Variants in PKHD1L1 observed in about 807,000 individuals in gnomAD.
PKHD1L1 encodes fibrocystin-L.
Under a neutral mutation model 462.9 loss-of-function variants are expected in PKHD1L1, and 434 were observed. That is an observed-to-expected ratio of 0.94 (90% confidence interval 0.87 to 1.02). The LOEUF (loss-of-function observed/expected upper bound fraction) is 1.02, where lower values mean the gene tolerates loss of function less well. Ranked by LOEUF, PKHD1L1 falls within the 50% of genes least tolerant of loss-of-function variation. The pLI is 0.00. For synonymous variants in PKHD1L1, 1,781 were observed against 1,750.0 expected, an observed-to-expected ratio of 1.02 and a Z score of -0.44; for missense variants, 5,202 against 5,096.1, an observed-to-expected ratio of 1.02 and a Z score of -0.63.
intron 68 of PKHD1L1, among the ~76,000 whole-genome samples, chr8:109,505,104 G>A (rs1819625700): frequency 6.6e-6 from 1 of 151,866 alleles, no homozygotes; most frequent in Admixed American, 6.6e-5. Flanking sequence ...TTCCCAGGCT[G>A]GTCTTGAACT....
In PKHD1L1 at chr8:109,510,784, G is replaced by A. The variant is rs199695841; in HGVS notation, c.11403G>A (p.Gln3801=). The change falls in exon 71 of 78, where the codon CAG becomes CAA. Residue 3801 remains glutamine (Q), a synonymous_variant. Transcript: ENST00000378402. The part of the protein sequence containing the change: ...NGYVDLINGP[Q]DHGWCAGYTC... ...CATTTTGCATGGATTTAGGCCCACAGGATCATGGCTGGTGTGCTGGATATA... is the reference window on the plus strand; with the variant it reads ...CATTTTGCATGGATTTAGGCCCACAAGATCATGGCTGGTGTGCTGGATATA... The A allele has an allele frequency of 2.5e-5, 41 of 1,612,592 alleles. No homozygotes were observed. In the Admixed American group the frequency reaches 6.8e-4, roughly 27 times the overall value.
intron 73 of PKHD1L1, among the ~76,000 whole-genome samples, chr8:109,521,360 G>A (rs1820542930): frequency 6.6e-6 from 1 of 152,124 alleles, no homozygotes; most frequent in African/African-American, 2.4e-5. Flanking sequence ...CATTATCCTG[G>A]TTTACAGTTG....
rs13258312 is a variant in PKHD1L1 at position 109,523,346 on chromosome 8, C to T, written c.12444C>T (p.Ser4148=). The T allele has an allele frequency of 1.2e-6, 2 of 1,613,244 alleles. No homozygotes were observed. Among genetic ancestry groups the T allele is most frequent in the Non-Finnish European group, 1.7e-6 (2 of 1,179,516 alleles). The part of the protein sequence containing the change: ...LSGNTTIPFS[S]CWANYTDLTP... ...GAAATACAACAATTCCGTTTAGCAGCTGTTGGGCCAACTACACAGACCTTA... is the reference window on the plus strand; with the variant it reads ...GAAATACAACAATTCCGTTTAGCAGTTGTTGGGCCAACTACACAGACCTTA... Residue 4148 remains serine (S), a synonymous_variant, in exon 76 of 78, where the codon AGC becomes AGT. Coordinates refer to ENST00000378402, the MANE Select transcript of PKHD1L1 (RefSeq NM_177531.6).
chr8:109,465,191 G>A lies in PKHD1L1; in HGVS notation c.8359G>A (p.Gly2787Ser). Residue 2787 changes from glycine (G) to serine (S), a missense_variant, in exon 49 of 78, where the codon GGC becomes AGC. By Grantham distance (56) the Gly-to-Ser change is moderately conservative. This residue lies in a region of PKHD1L1 where 4,497 missense variants were observed against 4,336.8 expected (regional missense o/e 1.04). Transcript: ENST00000378402. ...VQYSHTPNKA[G>S]FRWEHEMVMI... ...GTATTCTCACACACCGAACAAGGCT[G>A]GCTTTCGCTGGGAACATGAAATGGT... 6.2e-7 allele frequency: 1 copy of A among 1,613,700 alleles called. No homozygotes were observed. Among genetic ancestry groups the A allele is most frequent in the Non-Finnish European group, 8.5e-7 (1 of 1,179,738 alleles).
At position 109,518,364 on chromosome 8, in the gene PKHD1L1, G is replaced by T. The variant is rs778317743; in HGVS notation, c.11887G>T (p.Ala3963Ser). Residue 3963 changes from alanine to serine, a missense_variant, in exon 73 of 78, where the codon GCC becomes TCC. By Grantham distance (99) the Ala-to-Ser change is moderately conservative (BLOSUM62 1). Around this residue, in one of 3 missense-constraint regions of PKHD1L1, gnomAD observed 698 missense variants for 736.3 expected, o/e 0.95. Coordinates refer to ENST00000378402, the MANE Select transcript of PKHD1L1 (RefSeq NM_177531.6). ...YTSHNLVKNL[A>S]LFLKIPSDKI... Reference sequence around the variant, plus strand: ...CTCTCACAATCTGGTTAAAAATCTTGCCTTGTTCCTAAAGATACCAAGTGA... The same window carrying T: ...CTCTCACAATCTGGTTAAAAATCTTTCCTTGTTCCTAAAGATACCAAGTGA... 8.1e-6 allele frequency: 13 copies of T among 1,613,326 alleles called. No homozygotes were observed. Among genetic ancestry groups the T allele is most frequent in the Non-Finnish European group, 1.1e-5 (13 of 1,179,526 alleles).
intron 35 of PKHD1L1, 27 bp downstream of exon 35, chr8:109,442,222 A>G: frequency 6.4e-7 from 1 of 1,571,890 alleles, no homozygotes; most frequent in Non-Finnish European, 8.6e-7. Context: ...TGGGTTTTGC[A>G]TCATGTCACT....
In PKHD1L1 at chr8:109,533,630, A is replaced by G. The variant is rs1821089915; in HGVS notation, c.*3540A>G. Among the ~76,000 whole-genome samples, 1 of 152,148 alleles carries G rather than the reference A, an allele frequency of 6.6e-6. No homozygotes were observed. The highest frequency in any genetic ancestry group is 1.5e-5 in the Non-Finnish European group (1 of 68,034). ...AAACTGACCTTAAAACATAGCTATTATGCATCCCTTTGCCTTTTCTTCATC... is the reference window on the plus strand; with the variant it reads ...AAACTGACCTTAAAACATAGCTATTGTGCATCCCTTTGCCTTTTCTTCATC... On this transcript the variant is annotated 3_prime_UTR_variant, in exon 78 of 78. Transcript: ENST00000378402.
At chr8:109,429,519 T>C (rs901226107) in intron 26 of PKHD1L1, 57 bp downstream of exon 26, 70 of 1,501,078 alleles carry the variant, frequency 4.7e-5, no homozygotes, top group Non-Finnish European at 6.1e-5. Context: ...ATAACTAGTT[T>C]GTAATATGTT....
Position 109,498,549 on chromosome 8 carries a change from C to T in PKHD1L1, c.10687C>T (p.His3563Tyr). 4.3e-6 allele frequency: 7 copies of T among 1,613,326 alleles called. No homozygotes were observed. Among genetic ancestry groups the T allele is most frequent in the South Asian group, 2.2e-5 (2 of 91,074 alleles). The change falls in exon 66 of 78, where the codon CAT becomes TAT. Residue 3563 changes from histidine to tyrosine, a missense_variant. Transcript: ENST00000378402. ...DDPNIELTAA[H>Y]RSPRSPSGGR... Reference sequence around the variant, plus strand: ...TCCTAATATTGAACTCACTGCTGCTCATCGGAGTCCTAGATCTCCATCAGG... The same window carrying T: ...TCCTAATATTGAACTCACTGCTGCTTATCGGAGTCCTAGATCTCCATCAGG...
At chr8:109,503,765 T>C (rs1819554006) in intron 67 of PKHD1L1, among the ~76,000 whole-genome samples, 1 of 152,192 alleles carries the variant, frequency 6.6e-6, no homozygotes, top group Non-Finnish European at 1.5e-5. Context: ...ATTCTGTGGA[T>C]TGTCAATTTG....
chr8:109,493,790 T>C, intron 63 of PKHD1L1, 39 bp downstream of exon 63: 1 of 1,351,700 alleles, frequency 7.4e-7, no homozygotes, highest in Non-Finnish European at 1.0e-6. Context: ...AACTAGGAAA[T>C]AACTTGTACA....
chr8:109,455,441 T>C (rs1175789545), intron 45 of PKHD1L1, among the ~76,000 whole-genome samples: 1 of 152,150 alleles, frequency 6.6e-6, no homozygotes, highest in East Asian at 1.9e-4. Context: ...TTCCTCCTCT[T>C]CCCCTTTTCC....
chr8:109,492,708 G>T (rs1011951425), intron 62 of PKHD1L1, among the ~76,000 whole-genome samples: 7 of 151,770 alleles, frequency 4.6e-5, no homozygotes, highest in African/African-American at 1.7e-4. Context: ...GCTATCTATG[G>T]CTTTTGAAGG....
chr8:109,485,248 C>A (rs1818468246), intron 58 of PKHD1L1, 75 bp downstream of exon 58: 3 of 1,260,076 alleles, frequency 2.4e-6, no homozygotes, highest in Non-Finnish European at 3.2e-6. Flanking sequence ...AATTATAATT[C>A]TTTGATAAAA....
At chr8:109,402,263 C>A (rs1813310117) in intron 14 of PKHD1L1, among the ~76,000 whole-genome samples, 1 of 152,182 alleles carries the variant, frequency 6.6e-6, no homozygotes, top group South Asian at 2.1e-4. Context: ...ATCTGCTAGA[C>A]TTTACTATAT....
In PKHD1L1 at chr8:109,499,080, A is replaced by G. The variant is rs762252995; in HGVS notation, c.10828+309A>G. On this transcript the variant is annotated intron_variant, in intron 67 of 77. Transcript: ENST00000378402. Reference sequence around the variant, plus strand: ...CCCTTTCATGTAAGTAGGATTATATATTATCATCCCTTTTTAAAATTGAAG... The same window carrying G: ...CCCTTTCATGTAAGTAGGATTATATGTTATCATCCCTTTTTAAAATTGAAG... 42 of 250,340 alleles carry G rather than the reference A, an allele frequency of 1.7e-4. 2 individuals carry two copies. Among genetic ancestry groups the G allele is most frequent in the Non-Finnish European group, 2.5e-4 (33 of 130,430 alleles). The allele number at this position is 250,340 out of a possible 1,614,324, so 15.5% of individuals were successfully genotyped here.
Position 109,497,149 on chromosome 8 carries a change from G to A in PKHD1L1, c.10477-1G>A. 1 of 1,613,412 alleles carries A rather than the reference G, an allele frequency of 6.2e-7. No individual in the cohort carries two copies. Among genetic ancestry groups the A allele is most frequent in the Non-Finnish European group, 8.5e-7 (1 of 1,179,638 alleles). ...TATGTAACCTGCAAATTCTATTGCA[G>A]ACCACAGAGAGTGTGCACATTTATA... On this transcript the variant is annotated splice_acceptor_variant, in intron 64 of 77. Coordinates refer to ENST00000378402, the MANE Select transcript of PKHD1L1 (RefSeq NM_177531.6). LOFTEE classifies it high-confidence loss of function.
At position 109,533,591 on chromosome 8, in the gene PKHD1L1, G is replaced by A. The variant is rs575449859; in HGVS notation, c.*3501G>A. Among the ~76,000 whole-genome samples, 232 of 152,218 alleles carry A rather than the reference G, an allele frequency of 1.5e-3. 1 individual carries two copies. The highest frequency in any genetic ancestry group is 6.8e-3 in the Middle Eastern group (2 of 294). ...GGGTTACAAAAACAGACATTATCTC[G>A]TGGCATATTCTAGAAACTGACCTTA... On this transcript the variant is annotated 3_prime_UTR_variant, in exon 78 of 78. Transcript: ENST00000378402.
chr8:109,424,241 T>C (rs1198413106), intron 23 of PKHD1L1, among the ~76,000 whole-genome samples: 1 of 152,218 alleles, frequency 6.6e-6, no homozygotes, highest in Non-Finnish European at 1.5e-5. Flanking sequence ...CTAGCTTCTT[T>C]CATTCAATTT....
Sources: gnomAD v4.1 joint callset for allele counts (sites outside exome capture counted in the v4.1 genomes callset) on GRCh38, gnomAD v4.1.1 for gene constraint, gnomAD v4.1.1 regional missense constraint, MANE v1.5 for transcripts, NCBI Gene and HGNC (gene_info 2026-07-23, HGNC 2026-07-21) for gene names.